The following IFT172 variants were observed in gnomAD, a reference collection of about 807,000 sequenced individuals.
The protein encoded by IFT172 is intraflagellar transport 172, also known as intraflagellar transport protein 172 homolog.
Under a neutral mutation model 248.9 loss-of-function variants are expected in IFT172, and 164 were observed. The observed-to-expected ratio is 0.66, with a 90% CI of 0.58 to 0.75. IFT172 has a LOEUF of 0.75. Among genes scored for constraint, IFT172 ranks in the 30% least tolerant of loss-of-function variants. IFT172 has a pLI of 0.00. For missense variants in IFT172, 1,950 were observed against 2,192.4 expected (o/e 0.89, Z 2.21); for synonymous variants, 729 against 791.6 (o/e 0.92, Z 1.33).
At position 27,483,895 on chromosome 2, in the gene IFT172, C is replaced by T. The variant is rs763950958; in HGVS notation, c.379G>A (p.Val127Ile). The T allele has an allele frequency of 3.7e-6, 6 of 1,613,864 alleles. No individual in the cohort carries two copies. The East Asian group carries it at 1.1e-4, about 30-fold the overall frequency. Residue 127 changes from valine to isoleucine, a missense_variant, in exon 5 of 48, where the codon GTC becomes ATC. Transcript: ENST00000260570. Reference sequence around the variant, plus strand: ...ACCTTCCCTTCAGCCAGTCCAAAGACAATGATGTATTCTGCCGGCCATTGC... The same window carrying T: ...ACCTTCCCTTCAGCCAGTCCAAAGATAATGATGTATTCTGCCGGCCATTGC... Reference protein sequence around the residue: ...CLQWPAEYIIVFGLAEGKVRL... With the variant: ...CLQWPAEYIIIFGLAEGKVRL...
chr2:27,461,492 C>T lies in IFT172; in HGVS notation c.2219G>A (p.Arg740His), dbSNP rs781236948. 2.5e-6 allele frequency: 4 copies of T among 1,613,992 alleles called. No homozygotes were observed. Among genetic ancestry groups the T allele is most frequent in the Middle Eastern group, 1.6e-4 (1 of 6,082 alleles). Reference sequence around the variant, plus strand: ...CATCAGCCACTGGTAGTAACTACGACGTAGCTTCTCCAGGGCTGGGTGCCC... The same window carrying T: ...CATCAGCCACTGGTAGTAACTACGATGTAGCTTCTCCAGGGCTGGGTGCCC... ...AKGHPALEKL[R>H]RSYYQWLMDT... Residue 740 changes from arginine (R) to histidine (H), a missense_variant, in exon 22 of 48, where the codon CGT (arginine) becomes CAT (histidine). Arg to His is a conservative substitution (Grantham distance 29, BLOSUM62 0). Around this residue, in one of 3 missense-constraint regions of IFT172, gnomAD observed 1,166 missense variants for 1,254.1 expected, o/e 0.93. Transcript: ENST00000260570.
At chr2:27,489,466 G>A (rs1282969725) in intron 1 of IFT172, 149 bp downstream of exon 1, 8 of 607,050 alleles carry the variant, frequency 1.3e-5, no homozygotes, top group Non-Finnish European at 2.4e-5. Flanking sequence ...CCTCCTGGAC[G>A]CTGTATCGAC....
At chr2:27,444,666 G>T in intron 47 of IFT172, 145 bp from the exon 48 acceptor site, 1 of 580,592 alleles carries the variant, frequency 1.7e-6, no homozygotes, top group Non-Finnish European at 2.9e-6. Flanking sequence ...TGTTTGTTTT[G>T]AGACAAAGTC....
At chr2:27,471,272 G>GTT in intron 15 of IFT172, 177 bp from the exon 16 acceptor site, 1 of 546,416 alleles carries the variant, frequency 1.8e-6, no homozygotes. Context: ...CTCTGGTCAA[G>GTT]TAAGAGATGA....
rs10651081 is a variant in IFT172, at chr2:27,483,001, C to CT, written c.570+287dup. 0.069 allele frequency among the ~76,000 whole-genome samples: 8,512 copies of CT among 123,768 alleles called. 796 individuals carry two copies. Among genetic ancestry groups the CT allele is most frequent in the African/African-American group, 0.2 (6,390 of 32,308 alleles). 81.2% of individuals were successfully genotyped at this position (123,768 alleles called of 152,430 possible). ...TTCCTTATCCCCTATTCCACAGCAT[C>CT]TTTTTTTTTTTTTTTTTTTGAGACA... On this transcript the variant is annotated intron_variant, in intron 7 of 47. Transcript: ENST00000260570.
chr2:27,453,428 G>C lies in IFT172; in HGVS notation c.3907C>G (p.Arg1303Gly). The part of the protein sequence containing the change: ...SRAVDCYLKV[R>G]DSGNSGLAEK... ...GCCAGGCCGCTGTTTCCAGAGTCTC[G>C]CACTTTGAGGTAGCAGTCCACGGCA... The change falls in exon 35 of 48, where the codon CGA becomes GGA. Residue 1303 changes from arginine (R) to glycine (G), a missense_variant. Around this residue, in one of 3 missense-constraint regions of IFT172, gnomAD observed 620 missense variants for 699.0 expected, o/e 0.89. Transcript: ENST00000260570. 1 of 1,614,164 alleles carries C rather than the reference G, an allele frequency of 6.2e-7. No individual in the cohort carries two copies. Among genetic ancestry groups the C allele is most frequent in the Non-Finnish European group, 8.5e-7 (1 of 1,180,024 alleles).
intron 35 of IFT172, among the ~76,000 whole-genome samples, chr2:27,452,064 AAAC>A (rs151269177): frequency 0.12 from 18,194 of 151,978 alleles, 1,453 homozygotes; most frequent in East Asian, 0.31. Context: ...GTATTTGGTC[AAAC>A]ATTATTCTGG....
chr2:27,455,008 C>A, intron 30 of IFT172: 1 of 330,380 alleles, frequency 3.0e-6, no homozygotes. Context: ...TGCTCTCCAT[C>A]TCTTCCTGAG....
intron 16 of IFT172, among the ~76,000 whole-genome samples, chr2:27,468,424 C>A (rs934991899): frequency 2.0e-5 from 3 of 151,622 alleles, no homozygotes; most frequent in Non-Finnish European, 2.9e-5. Flanking sequence ...AGTAGAGATG[C>A]GGTTTCGCCA....
chr2:27,453,829 T>C, intron 33 of IFT172, 90 bp from the exon 34 acceptor site: 1 of 1,394,114 alleles, frequency 7.2e-7, no homozygotes, highest in Non-Finnish European at 9.9e-7. Context: ...GACTCCTGGG[T>C]CCTTGGACCT....
At chr2:27,444,888 A>T in intron 47 of IFT172, 126 bp downstream of exon 47, 2 of 980,452 alleles carry the variant, frequency 2.0e-6, no homozygotes, top group Non-Finnish European at 3.0e-6. Flanking sequence ...ACCTCAGGTG[A>T]TCCGCCCACC....
intron 27 of IFT172, 36 bp from the exon 28 acceptor site, chr2:27,458,012 C>T (rs754618418): frequency 3.0e-5 from 48 of 1,613,856 alleles, no homozygotes; most frequent in Admixed American, 5.0e-5. Context: ...CTCCTAGACC[C>T]GACCCCTGCT....
At chr2:27,467,231 A>T (rs1667148485) in intron 16 of IFT172, among the ~76,000 whole-genome samples, 1 of 151,954 alleles carries the variant, frequency 6.6e-6, no homozygotes, top group Non-Finnish European at 1.5e-5. Context: ...TAAATAGCAG[A>T]TTAGACAATG....
chr2:27,477,744 G>T (rs1195819333), intron 11 of IFT172, 132 bp from the exon 12 acceptor site: 6 of 796,346 alleles, frequency 7.5e-6, no homozygotes, highest in Admixed American at 2.1e-5. Flanking sequence ...AAGAGGTGCT[G>T]TATCAGAATC....
chr2:27,451,993 A>G (rs930839125), intron 35 of IFT172, among the ~76,000 whole-genome samples: 6 of 46,598 alleles, frequency 1.3e-4, no homozygotes, highest in African/African-American at 4.0e-4. Flanking sequence ...GTGTGTGTAT[A>G]TATATATATA....
At chr2:27,479,671 A>T (rs1287275076) in intron 9 of IFT172, 67 bp from the exon 10 acceptor site, 7 of 1,030,754 alleles carry the variant, frequency 6.8e-6, no homozygotes, top group Non-Finnish European at 1.1e-5. Flanking sequence ...GAGTATCTAG[A>T]GACATCCTCA....
chr2:27,471,298 T>C (rs1667555788), intron 15 of IFT172: 2 of 441,926 alleles, frequency 4.5e-6, no homozygotes, highest in East Asian at 7.5e-5. Context: ...AGAACAAAGA[T>C]CTACATCCCA....
intron 26 of IFT172, among the ~76,000 whole-genome samples, chr2:27,458,461 ACGGTAAC>A (rs1666358293): frequency 6.6e-6 from 1 of 152,054 alleles, no homozygotes; most frequent in Admixed American, 6.5e-5. Flanking sequence ...TCCCATTACC[ACGGTAAC>A]CACTGGACTC....
At position 27,454,059 on chromosome 2, in the gene IFT172, C is replaced by A. The variant is rs764315033; in HGVS notation, c.3634G>T (p.Glu1212Ter). The A allele has an allele frequency of 3.7e-6, 6 of 1,614,098 alleles. No homozygotes were observed. In the South Asian group the frequency reaches 6.6e-5, roughly 18 times the overall value. The part of the protein sequence containing the change: ...VLVGQARGAL[E>*]EKDFQKAEGL... ...TCTGCTTTCTGAAAGTCCTTCTCCT[C>A]CAAGGCCCCCCGGGCCTGTCCCACA... Residue 1212 changes from glutamate (E) to a stop codon, truncating the protein, a stop_gained, in exon 33 of 48, where the codon GAG (glutamate) becomes TAG (stop). Transcript: ENST00000260570. LOFTEE classifies it high-confidence loss of function. The surrounding 1 kb of genome is among the most constrained non-coding windows in gnomAD (Gnocchi z 4.2).
Sources: allele counts gnomAD v4.1 joint callset (sites outside exome capture counted in the v4.1 genomes callset), GRCh38; gene constraint gnomAD v4.1.1; regional missense constraint gnomAD v4.1.1; non-coding constraint Gnocchi (gnomAD v3.1); transcripts MANE v1.5; gene names NCBI Gene and HGNC (gene_info 2026-07-23, HGNC 2026-07-21).